Variants in GRB10 observed in about 807,000 individuals in gnomAD.
GRB10 encodes the protein growth factor receptor bound protein 10.
Under a neutral mutation model 80.9 loss-of-function variants are expected in GRB10, and 20 were observed. The ratio of observed to expected loss-of-function variants is 0.25; its 90% CI spans 0.17 to 0.36. The LOEUF is 0.36. Among genes scored for constraint, GRB10 ranks in the 10% least tolerant of loss-of-function variants. The pLI, the probability that GRB10 is intolerant of heterozygous loss-of-function variation, is 1.00. For synonymous variants in GRB10, 291 were observed against 291.5 expected (o/e 1.00, Z 0.02); for missense variants, 548 against 747.7 (o/e 0.73, Z 3.12).
rs555719213 is a variant in GRB10 at position 50,631,059 on chromosome 7, C to T, written c.505-4081G>A. The stretch of plus-strand genomic sequence containing the variant: ...CTCTGGGGCACCTGGTTTTTTGTCT[C>T]AGTGGCCCCCACGGGGTTGTTGTGT... On this transcript the variant is annotated intron_variant, in intron 7 of 18. Coordinates refer to ENST00000401949, the MANE Select transcript of GRB10 (RefSeq NM_001350814.2). Among the ~76,000 whole-genome samples, 3 of 152,280 alleles carry T rather than the reference C, an allele frequency of 2.0e-5. No individual in the cohort carries two copies. The South Asian group carries it at 6.2e-4, about 32-fold the overall frequency.
At chr7:50,614,669 T>C (rs981596484) in intron 12 of GRB10, 101 bp downstream of exon 12, 2 of 809,048 alleles carry the variant, frequency 2.5e-6, no homozygotes, top group African/African-American at 3.3e-5. Context: ...ATGTTTCTGT[T>C]GAAGACAATA....
At chr7:50,656,396 A>T (rs1021525276) in intron 7 of GRB10, among the ~76,000 whole-genome samples, 2 of 152,164 alleles carry the variant, frequency 1.3e-5, no homozygotes, top group African/African-American at 4.8e-5. Flanking sequence ...GGAACAATAC[A>T]TGCTGGAGAT....
chr7:50,591,130 AAT>A lies in GRB10; in HGVS notation c.*1820_*1821del, dbSNP rs1288920268. ...TGAACGTGAGAATTATCTTACTGTC[AAT>A]AGTTTGAAAGACTGACTGGCTGCGA... On this transcript the variant is annotated 3_prime_UTR_variant, in exon 19 of 19. Transcript: ENST00000401949. 1 of 152,256 alleles carries A rather than the reference AAT, an allele frequency of 6.6e-6. No homozygotes were observed. Among genetic ancestry groups the A allele is most frequent in the Non-Finnish European group, 1.5e-5 (1 of 68,046 alleles). The allele number at this position is 152,256 out of a possible 1,614,324, so 9.4% of individuals were successfully genotyped here.
chr7:50,603,400 T>TG (rs1554465069), intron 17 of GRB10, among the ~76,000 whole-genome samples: 1 of 152,188 alleles, frequency 6.6e-6, no homozygotes, highest in Non-Finnish European at 1.5e-5. Flanking sequence ...GCATGTGTAG[T>TG]GGGGTTTAAC....
intron 3 of GRB10, among the ~76,000 whole-genome samples, chr7:50,749,258 A>C (rs370279708): frequency 2.6e-5 from 4 of 151,804 alleles, no homozygotes; most frequent in African/African-American, 9.7e-5. Flanking sequence ...CCTCCAGAGT[A>C]GCTGGGATTA....
At chr7:50,689,718 G>T (rs1264682998) in intron 5 of GRB10, among the ~76,000 whole-genome samples, 1 of 152,110 alleles carries the variant, frequency 6.6e-6, no homozygotes, top group East Asian at 1.9e-4. Flanking sequence ...TCATAGTGGG[G>T]AATATAATAT....
intron 8 of GRB10, among the ~76,000 whole-genome samples, chr7:50,625,100 A>G (rs2052636670): frequency 1.3e-5 from 2 of 152,178 alleles, no homozygotes; most frequent in South Asian, 4.1e-4. Context: ...GTTTTAATGC[A>G]TCATTTATTT....
intron 4 of GRB10, among the ~76,000 whole-genome samples, chr7:50,709,995 C>G (rs1423083565): frequency 6.6e-6 from 1 of 152,134 alleles, no homozygotes; most frequent in Non-Finnish European, 1.5e-5. Context: ...CCTCTCACAG[C>G]ACTCGGCCCT....
chr7:50,693,995 A>G (rs2063137225), intron 5 of GRB10, among the ~76,000 whole-genome samples: 1 of 148,020 alleles, frequency 6.8e-6, no homozygotes, highest in African/African-American at 2.5e-5. Flanking sequence ...AGACTCTGCA[A>G]TGCTTCTGTT....
chr7:50,753,093 C>A (rs2074419851), intron 3 of GRB10, among the ~76,000 whole-genome samples: 1 of 152,218 alleles, frequency 6.6e-6, no homozygotes, highest in African/African-American at 2.4e-5. Flanking sequence ...CCAGCTGATT[C>A]CCCCAAGTCT....
At chr7:50,776,933 T>C (rs4947866) in intron 2 of GRB10, among the ~76,000 whole-genome samples, 138,109 of 152,222 alleles carry the variant, frequency 0.91, 62,812 homozygotes, top group African/African-American at 0.96. Flanking sequence ...TCACAGAAAT[T>C]TAGGCTTTTT....
Position 50,605,359 on chromosome 7 carries a change from T to G in GRB10, c.1320A>C (p.Gln440His). Residue 440 changes from glutamine to histidine, a missense_variant, in exon 15 of 19, where the codon CAA (glutamine) becomes CAC (histidine). Gln to His is a conservative substitution (Grantham distance 24). Coordinates refer to ENST00000401949, the MANE Select transcript of GRB10 (RefSeq NM_001350814.2). Reference sequence around the variant, plus strand: ...CCGGATTCTCTATCACGCGTCCTGTTTGCCCAGAAAAATCCATTGCCACGA... The same window carrying G: ...CCGGATTCTCTATCACGCGTCCTGTGTGCCCAGAAAAATCCATTGCCACGA... The part of the protein sequence containing the change: ...NSLVAMDFSG[Q>H]TGRVIENPAE... 1 of 1,614,200 alleles carries G rather than the reference T, an allele frequency of 6.2e-7. No homozygotes were observed. Among genetic ancestry groups the G allele is most frequent in the Non-Finnish European group, 8.5e-7 (1 of 1,180,036 alleles).
At chr7:50,733,632 T>C (rs952241066) in intron 3 of GRB10, among the ~76,000 whole-genome samples, 2 of 152,184 alleles carry the variant, frequency 1.3e-5, no homozygotes. Context: ...CCCAACCTAC[T>C]CAGTGAGAAC....
At chr7:50,736,882 A>C (rs2070883137) in intron 3 of GRB10, among the ~76,000 whole-genome samples, 1 of 152,228 alleles carries the variant, frequency 6.6e-6, no homozygotes, top group South Asian at 2.1e-4. Flanking sequence ...CATAAGCAAA[A>C]AGCAACTCAA....
At chr7:50,655,372 C>T (rs1329144409) in intron 7 of GRB10, among the ~76,000 whole-genome samples, 2 of 152,192 alleles carry the variant, frequency 1.3e-5, no homozygotes, top group Non-Finnish European at 2.9e-5. Context: ...ATTCTTTAAG[C>T]ATCTCCCAGG....
At chr7:50,713,330 CCCA>C (rs1049961734) in intron 4 of GRB10, among the ~76,000 whole-genome samples, 4 of 151,984 alleles carry the variant, frequency 2.6e-5, no homozygotes, top group South Asian at 2.1e-4. Context: ...TCCACCCCTT[CCCA>C]CCACCTCCTT....
chr7:50,711,649 A>G (rs1215368667), intron 4 of GRB10, among the ~76,000 whole-genome samples: 3 of 152,086 alleles, frequency 2.0e-5, no homozygotes, highest in Non-Finnish European at 4.4e-5. Context: ...TTCCCTTCCA[A>G]TGCCTGATAC....
At chr7:50,760,220 C>T (rs1280179523) in intron 2 of GRB10, among the ~76,000 whole-genome samples, 1 of 152,186 alleles carries the variant, frequency 6.6e-6, no homozygotes, top group Admixed American at 6.5e-5. Flanking sequence ...TATACATGCA[C>T]ACATGCACAG....
chr7:50,613,868 T>C (rs569974961), intron 12 of GRB10, among the ~76,000 whole-genome samples: 4 of 152,314 alleles, frequency 2.6e-5, no homozygotes, highest in Admixed American at 2.0e-4. Context: ...CCCCGTATTG[T>C]GTGTTCTCGG....
Sources: gnomAD v4.1 joint callset for allele counts (sites outside exome capture counted in the v4.1 genomes callset) on GRCh38, gnomAD v4.1.1 for gene constraint, MANE v1.5 for transcripts, NCBI Gene and HGNC (gene_info 2026-07-23, HGNC 2026-07-21) for gene names.